PLIN2: variants seen among roughly 807,000 people sequenced by gnomAD.
PLIN2 encodes perilipin 2.
Under a neutral mutation model 30.6 loss-of-function variants are expected in PLIN2, and 33 were observed. The ratio of observed to expected loss-of-function variants is 1.08; its 90% confidence interval spans 0.82 to 1.44. The LOEUF (loss-of-function observed/expected upper bound fraction) is 1.44, where lower values mean the gene tolerates loss of function less well. Ranked by LOEUF, PLIN2 falls within the 40% of genes most tolerant of loss-of-function variation. PLIN2 has a pLI of 0.00. For missense variants in PLIN2, 610 were observed against 531.8 expected (o/e 1.15, Z -1.45); for synonymous variants, 205 against 201.1 (o/e 1.02, Z -0.16).
downstream of PLIN2, among the ~76,000 whole-genome samples, chr9:19,113,054 C>T (rs997277363): frequency 4.6e-5 from 7 of 151,774 alleles, no homozygotes; most frequent in African/African-American, 1.7e-4. Context: ...GATAAGAAAG[C>T]ATGTGTGGCC....
chr9:19,117,799 A>G (rs952365159), intron 7 of PLIN2, among the ~76,000 whole-genome samples: 4 of 151,592 alleles, frequency 2.6e-5, no homozygotes, highest in African/African-American at 7.3e-5. Context: ...TTGTATTTTT[A>G]GTAGAGACAG....
intron 3 of PLIN2, among the ~76,000 whole-genome samples, chr9:19,124,054 C>A (rs1261823060): frequency 6.7e-6 from 1 of 148,732 alleles, no homozygotes; most frequent in African/African-American, 2.5e-5. Context: ...TGATCTTATA[C>A]AACAGAAGGC....
intron 7 of PLIN2, among the ~76,000 whole-genome samples, chr9:19,116,945 A>G (rs1205849397): frequency 6.6e-6 from 1 of 152,184 alleles, no homozygotes; most frequent in African/African-American, 2.4e-5. Context: ...TAGGTAGGGG[A>G]GACCCAAAAG....
At chr9:19,125,344 G>A (rs1443398008) in intron 3 of PLIN2, among the ~76,000 whole-genome samples, 4 of 151,836 alleles carry the variant, frequency 2.6e-5, no homozygotes, top group African/African-American at 9.7e-5. Flanking sequence ...CCTGGGGTCA[G>A]GAGTTCCTGA....
At chr9:19,114,511 T>G (rs188484987), downstream of PLIN2, among the ~76,000 whole-genome samples, 9 of 152,068 alleles carry the variant, frequency 5.9e-5, no homozygotes, top group African/African-American at 2.2e-4. Context: ...CGCAGGGGAT[T>G]CTCCTTGCCC....
chr9:19,110,237 A>G (rs1818141283), intron 2 of PLIN2, among the ~76,000 whole-genome samples: 1 of 151,972 alleles, frequency 6.6e-6, no homozygotes, highest in South Asian at 2.1e-4. Context: ...CATGTTGGCC[A>G]GGCTGGTCTC....
At chr9:19,123,796 G>A (rs991910834) in intron 3 of PLIN2, 149 bp from the exon 4 acceptor site, 18 of 613,950 alleles carry the variant, frequency 2.9e-5, no homozygotes, top group Non-Finnish European at 4.5e-5. Flanking sequence ...TGAGGCAGGC[G>A]GATCACGAGG....
At chr9:19,110,307 C>T (rs1564027578) in intron 2 of PLIN2, among the ~76,000 whole-genome samples, 1 of 152,020 alleles carries the variant, frequency 6.6e-6, no homozygotes, top group African/African-American at 2.4e-5. Context: ...GGATTACAGG[C>T]GTGAGCCACT....
chr9:19,116,411 G>T lies in PLIN2; in HGVS notation c.1151C>A (p.Ser384Tyr), dbSNP rs767665542. 9.9e-6 allele frequency: 16 copies of T among 1,614,228 alleles called. No homozygotes were observed. Among genetic ancestry groups the T allele is most frequent in the Non-Finnish European group, 1.4e-5 (16 of 1,180,042 alleles). ...AAGATAATCCATCACGTCATCTAAAGATTCCTTCATTTTCTGCAGCTGCCC... is the reference window on the plus strand; with the variant it reads ...AAGATAATCCATCACGTCATCTAAATATTCCTTCATTTTCTGCAGCTGCCC... Reference protein sequence around the residue: ...SKGQLQKMKESLDDVMDYLVN... With the variant: ...SKGQLQKMKEYLDDVMDYLVN... The change falls in exon 8 of 8, where the codon TCT (serine) becomes TAT (tyrosine). Residue 384 changes from serine to tyrosine, a missense_variant. Ser to Tyr is a moderately radical substitution (Grantham distance 144). Coordinates refer to ENST00000276914, the MANE Select transcript of PLIN2 (RefSeq NM_001122.4).
intron 2 of PLIN2, among the ~76,000 whole-genome samples, chr9:19,110,580 A>T (rs896021140): frequency 6.6e-6 from 1 of 151,982 alleles, no homozygotes; most frequent in African/African-American, 2.4e-5. Flanking sequence ...GGTTCAAGTG[A>T]TTCTCCTGCC....
At chr9:19,113,385 C>A (rs1818181438), downstream of PLIN2, among the ~76,000 whole-genome samples, 1 of 151,780 alleles carries the variant, frequency 6.6e-6, no homozygotes. Context: ...TCACTGGGAA[C>A]AGGAAGGCAA....
intron 7 of PLIN2, 125 bp downstream of exon 7, chr9:19,118,196 T>G (rs1818259673): frequency 2.2e-6 from 2 of 929,682 alleles, no homozygotes; most frequent in South Asian, 1.8e-5. Flanking sequence ...GCCACCTATG[T>G]ACATGGTATT....
At position 19,120,900 on chromosome 9, in the gene PLIN2, G is replaced by A. The variant is rs1289128280; in HGVS notation, c.575C>T (p.Pro192Leu). 1.9e-6 allele frequency: 3 copies of A among 1,613,732 alleles called. No homozygotes were observed. Among genetic ancestry groups the A allele is most frequent in the Admixed American group, 1.7e-5 (1 of 59,998 alleles). Residue 192 changes from proline (P) to leucine (L), a missense_variant, in exon 5 of 8, where the codon CCT becomes CTT. Coordinates refer to ENST00000276914, the MANE Select transcript of PLIN2 (RefSeq NM_001122.4). ...KSELLVEQYL[P>L]LTEEELEKEA... The stretch of plus-strand genomic sequence containing the variant: ...GTTACCTAGTTCTTCCTCAGTGAGA[G>A]GGAGGTACTGTTCTACCAACAGCTC...
In PLIN2 at chr9:19,126,442, AAG is replaced by A; in HGVS notation, c.-18_-17del. The A allele has an allele frequency of 6.2e-7, 1 of 1,602,848 alleles. No individual in the cohort carries two copies. The highest frequency in any genetic ancestry group is 8.5e-7 in the Non-Finnish European group (1 of 1,170,596). ...CGGATGCCATTTTTCTTCCTGGAGA[AAG>A]AAATCTGCAGAAAAGAGACTTATTT... On this transcript the variant is annotated 5_prime_UTR_variant, in exon 2 of 8. Transcript: ENST00000276914.
In PLIN2 at chr9:19,121,126, C is replaced by G; in HGVS notation, c.349G>C (p.Asp117His). Residue 117 changes from aspartate to histidine, a missense_variant, in exon 5 of 8, where the codon GAT becomes CAT. Coordinates refer to ENST00000276914, the MANE Select transcript of PLIN2 (RefSeq NM_001122.4). Reference sequence around the variant, plus strand: ...CCAGTCACAGTAGTCGTCACAGCATCTTTTGCCCCAGTCACAGCGCCTTTG... The same window carrying G: ...CCAGTCACAGTAGTCGTCACAGCATGTTTTGCCCCAGTCACAGCGCCTTTG... ...NAKGAVTGAK[D>H]AVTTTVTGAK... 1 of 1,614,198 alleles carries G rather than the reference C, an allele frequency of 6.2e-7. No individual in the cohort carries two copies. The highest frequency in any genetic ancestry group is 8.5e-7 in the Non-Finnish European group (1 of 1,180,046).
chr9:19,123,783 G>A (rs1024520308), intron 3 of PLIN2, 136 bp from the exon 4 acceptor site: 23 of 650,276 alleles, frequency 3.5e-5, no homozygotes, highest in Non-Finnish European at 6.0e-5. Context: ...CACTTTGGGA[G>A]GCTGAGGCAG....
Position 19,116,263 on chromosome 9 carries a change from C to T in PLIN2, c.1299G>A (p.Glu433=), listed in dbSNP as rs934654681. Residue 433 remains glutamate (E), a synonymous_variant, in exon 8 of 8, where the codon GAG becomes GAA. Coordinates refer to ENST00000276914, the MANE Select transcript of PLIN2 (RefSeq NM_001122.4). ...AGGGGCAGGTTTAATGAGTTTTATG[C>T]TCAGATCGCTGGGTCTCCTGGCTGC... ...DKSSQETQRS[E]HKTH The T allele has an allele frequency of 1.9e-6, 3 of 1,596,046 alleles. No homozygotes were observed. The highest frequency in any genetic ancestry group is 2.6e-6 in the Non-Finnish European group (3 of 1,170,300).
In PLIN2 at chr9:19,116,406, C is replaced by G. The variant is rs761904928; in HGVS notation, c.1156G>C (p.Asp386His). The change falls in exon 8 of 8, where the codon GAT becomes CAT. Residue 386 changes from aspartate to histidine, a missense_variant. Physicochemically the swap from Asp to His is moderately conservative, Grantham distance 81. Coordinates refer to ENST00000276914, the MANE Select transcript of PLIN2 (RefSeq NM_001122.4). ...TTAACAAGATAATCCATCACGTCAT[C>G]TAAAGATTCCTTCATTTTCTGCAGC... is the stretch of plus-strand genomic sequence containing the variant. ...GQLQKMKESL[D>H]DVMDYLVNNT... 4 of 1,614,224 alleles carry G rather than the reference C, an allele frequency of 2.5e-6. No individual in the cohort carries two copies. In the Admixed American group the frequency reaches 6.7e-5, roughly 27 times the overall value.
At chr9:19,114,500 A>G (rs1426072306), downstream of PLIN2, among the ~76,000 whole-genome samples, 1 of 151,650 alleles carries the variant, frequency 6.6e-6, no homozygotes, top group African/African-American at 2.4e-5. Context: ...CACCTCCCAG[A>G]CGCAGGGGAT....
Sources: allele counts gnomAD v4.1 joint callset (sites outside exome capture counted in the v4.1 genomes callset), GRCh38; gene constraint gnomAD v4.1.1; transcripts MANE v1.5; gene names NCBI Gene and HGNC (gene_info 2026-07-23, HGNC 2026-07-21).